EFCAB13: variants seen among roughly 807,000 people sequenced by gnomAD.
EFCAB13 encodes EF-hand calcium binding domain 13.
In EFCAB13, 91 loss-of-function variants were observed where a neutral mutation model predicts 110.2. That is an observed-to-expected ratio of 0.83 (90% CI 0.70 to 0.98). The LOEUF (loss-of-function observed/expected upper bound fraction) is 0.98, where lower values mean the gene tolerates loss of function less well. Ranked by LOEUF, EFCAB13 falls within the 50% of genes least tolerant of loss-of-function variation. EFCAB13 has a pLI of 0.00. For synonymous variants in EFCAB13, 323 were observed against 369.9 expected (o/e 0.87, Z 1.45); for missense variants, 968 against 1,119.4 (o/e 0.86, Z 1.93).
chr17:47,347,940 T>TG lies in EFCAB13; in HGVS notation c.650_651insG (p.Asp218Ter), dbSNP rs777458363. On this transcript the variant is annotated frameshift_variant, in exon 9 of 25. Transcript: ENST00000331493. LOFTEE classifies it high-confidence loss of function. The stretch of plus-strand genomic sequence containing the variant: ...GAAATGCGACAGGCACTAAAGACTG[T>TG]TGATATTGATGGTAAGTTTTATCTT... 186 of 1,489,792 alleles carry TG rather than the reference T, an allele frequency of 1.2e-4. 1 individual carries two copies. Among genetic ancestry groups the TG allele is most frequent in the Non-Finnish European group, 1.6e-4 (179 of 1,106,014 alleles). 92.3% of individuals were successfully genotyped at this position (1,489,792 alleles called of 1,614,324 possible).
intron 23 of EFCAB13, among the ~76,000 whole-genome samples, chr17:47,426,402 T>C (rs1159376875): frequency 6.6e-6 from 1 of 152,218 alleles, no homozygotes; most frequent in East Asian, 1.9e-4. Context: ...AATTCATAGT[T>C]ATGTCCAAAG....
chr17:47,399,020 T>A (rs111791313), intron 17 of EFCAB13, among the ~76,000 whole-genome samples: 13,370 of 152,170 alleles, frequency 0.088, 849 homozygotes, highest in East Asian at 0.35. Flanking sequence ...GCCTCCCGGT[T>A]CAAGCGATTC....
chr17:47,391,887 C>G (rs2065710371), intron 15 of EFCAB13, among the ~76,000 whole-genome samples: 1 of 152,014 alleles, frequency 6.6e-6, no homozygotes, highest in Non-Finnish European at 1.5e-5. Context: ...TGTGGTATTG[C>G]TGTCTGACAA....
rs540464091 is a variant in EFCAB13, at chr17:47,375,727, A to G, written c.1372+761A>G. 1.3e-3 allele frequency among the ~76,000 whole-genome samples: 193 copies of G among 152,336 alleles called. 1 individual carries two copies. Among genetic ancestry groups the G allele is most frequent in the Admixed American group, 3.9e-3 (59 of 15,306 alleles). Reference sequence around the variant, plus strand: ...ATTCAGTGATTAATTGCAATCATTAATATTTCCTAGAAAGTAGAAGGCCTG... The same window carrying G: ...ATTCAGTGATTAATTGCAATCATTAGTATTTCCTAGAAAGTAGAAGGCCTG... On this transcript the variant is annotated intron_variant, in intron 12 of 24. Coordinates refer to ENST00000331493, the MANE Select transcript of EFCAB13 (RefSeq NM_152347.5).
intron 24 of EFCAB13, among the ~76,000 whole-genome samples, chr17:47,439,849 A>AT (rs199882304): frequency 7.3e-5 from 11 of 149,936 alleles, no homozygotes; most frequent in South Asian, 2.1e-4. Flanking sequence ...AATATCTGAG[A>AT]TTTTTTTTTT....
chr17:47,396,041 C>T, intron 17 of EFCAB13, 64 bp downstream of exon 17: 1 of 1,411,036 alleles, frequency 7.1e-7, no homozygotes, highest in Middle Eastern at 2.3e-4. Context: ...TCTGTCAACT[C>T]TTGTCATTGT....
intron 9 of EFCAB13, among the ~76,000 whole-genome samples, chr17:47,359,619 C>T (rs1345925889): frequency 1.9e-5 from 2 of 106,994 alleles, no homozygotes; most frequent in African/African-American, 3.6e-5. Flanking sequence ...ATTTTTTTTT[C>T]AATTTTTTTT....
intron 18 of EFCAB13, 84 bp downstream of exon 18, chr17:47,402,287 C>A: frequency 8.1e-7 from 1 of 1,231,464 alleles, no homozygotes; most frequent in South Asian, 1.3e-5. Flanking sequence ...GCTGTGTGTT[C>A]ACCTAATTTC....
chr17:47,385,072 ACTTTTATT>A (rs1164478751), intron 14 of EFCAB13, among the ~76,000 whole-genome samples: 3 of 152,150 alleles, frequency 2.0e-5, no homozygotes, highest in African/African-American at 7.2e-5. Context: ...CGCTCAGCCA[ACTTTTATT>A]CCTCCATTTC....
chr17:47,341,751 A>G (rs1279900572), intron 5 of EFCAB13, among the ~76,000 whole-genome samples, 170 bp from the exon 6 acceptor site: 7 of 152,226 alleles, frequency 4.6e-5, no homozygotes, highest in Non-Finnish European at 8.8e-5. Flanking sequence ...CAAAAATAAT[A>G]AGGGATGGGA....
chr17:47,415,417 A>T (rs1904409058), intron 23 of EFCAB13, among the ~76,000 whole-genome samples: 1 of 152,146 alleles, frequency 6.6e-6, no homozygotes, highest in African/African-American at 2.4e-5. Flanking sequence ...TCTGGATTTC[A>T]GGTTTTTAAT....
At chr17:47,416,424 T>A (rs1232582504) in intron 23 of EFCAB13, among the ~76,000 whole-genome samples, 4 of 152,172 alleles carry the variant, frequency 2.6e-5, no homozygotes, top group Non-Finnish European at 4.4e-5. Context: ...ATGCTTTCTT[T>A]CTCTTTTTTT....
Position 47,435,943 on chromosome 17 carries a change from C to G in EFCAB13, c.2639-4488C>G, listed in dbSNP as rs148271225. ...GGTTTGTCATAGATGGCTTTTATTA[C>G]ATTAAGGTATGTCCCTTGTATGCCT... On this transcript the variant is annotated intron_variant, in intron 24 of 24. Coordinates refer to ENST00000331493, the MANE Select transcript of EFCAB13 (RefSeq NM_152347.5). 2.3e-3 allele frequency among the ~76,000 whole-genome samples: 353 copies of G among 152,164 alleles called. 2 individuals carry two copies. The highest frequency in any genetic ancestry group is 4.1e-3 in the Non-Finnish European group (280 of 67,960).
At chr17:47,384,079 C>A (rs182881448) in intron 14 of EFCAB13, among the ~76,000 whole-genome samples, 3 of 149,528 alleles carry the variant, frequency 2.0e-5, no homozygotes, top group East Asian at 2.0e-4. Flanking sequence ...TTAATCCCTT[C>A]TTTGTCTTTT....
intron 23 of EFCAB13, among the ~76,000 whole-genome samples, chr17:47,418,209 T>A (rs1416371302): frequency 6.6e-6 from 1 of 152,192 alleles, no homozygotes; most frequent in African/African-American, 2.4e-5. Context: ...ATAAGGGCAG[T>A]CCTGATTTTA....
intron 15 of EFCAB13, 55 bp downstream of exon 15, chr17:47,391,635 T>C: frequency 1.4e-6 from 2 of 1,452,440 alleles, no homozygotes; most frequent in African/African-American, 3.0e-5. Flanking sequence ...GGAGGGTCAA[T>C]TTGTTATTTT....
At chr17:47,370,927 G>C (rs2143348861) in intron 11 of EFCAB13, among the ~76,000 whole-genome samples, 1 of 151,576 alleles carries the variant, frequency 6.6e-6, no homozygotes, top group East Asian at 1.9e-4. Flanking sequence ...TTTTAGTAGA[G>C]AGAGGGTTCA....
At chr17:47,397,186 A>AT (rs1447904874) in intron 17 of EFCAB13, among the ~76,000 whole-genome samples, 1 of 151,350 alleles carries the variant, frequency 6.6e-6, no homozygotes, top group Non-Finnish European at 1.5e-5. Context: ...TGGTTTTCGT[A>AT]TTTTTTTGGT....
intron 9 of EFCAB13, among the ~76,000 whole-genome samples, chr17:47,351,759 T>C (rs2065454453): frequency 6.6e-6 from 1 of 152,142 alleles, no homozygotes; most frequent in East Asian, 1.9e-4. Context: ...GTTGATTATT[T>C]CTTTTGCTGT....
Sources: gnomAD v4.1 joint callset for allele counts (sites outside exome capture counted in the v4.1 genomes callset) on GRCh38, gnomAD v4.1.1 for gene constraint, MANE v1.5 for transcripts, NCBI Gene and HGNC (gene_info 2026-07-23, HGNC 2026-07-21) for gene names.